FILIP1L: variants seen among roughly 807,000 people sequenced by gnomAD.
The protein encoded by FILIP1L is filamin A interacting protein 1 like.
FILIP1L carries 55 observed loss-of-function variants against 96.6 expected under a neutral mutation model. The ratio of observed to expected loss-of-function variants is 0.57; its 90% CI spans 0.46 to 0.71. FILIP1L has a LOEUF of 0.71. Among genes scored for constraint, FILIP1L ranks in the 30% least tolerant of loss-of-function variants. The pLI is 0.00. For synonymous variants in FILIP1L, 467 were observed against 473.9 expected (o/e 0.99, Z 0.19); for missense variants, 1,304 against 1,321.2 (o/e 0.99, Z 0.20).
chr3:99,889,487 A>G (rs1200865855), intron 4 of FILIP1L, among the ~76,000 whole-genome samples: 3 of 152,072 alleles, frequency 2.0e-5, no homozygotes, highest in South Asian at 4.2e-4. Context: ...CATATAAATA[A>G]CGTATAGCTA....
chr3:100,088,907 A>AT (rs375015420), intron 1 of FILIP1L, among the ~76,000 whole-genome samples: 11 of 151,170 alleles, frequency 7.3e-5, no homozygotes, highest in African/African-American at 1.2e-4. Context: ...TGTTATGTTT[A>AT]TTTTTTGTCC....
chr3:100,055,732 T>C (rs2065453515), intron 1 of FILIP1L, among the ~76,000 whole-genome samples: 1 of 152,236 alleles, frequency 6.6e-6, no homozygotes, highest in Admixed American at 6.5e-5. Context: ...ATTTTTGTGA[T>C]TATCCCAGTA....
chr3:99,831,534 C>G (rs1942669906), intron 5 of FILIP1L, among the ~76,000 whole-genome samples: 1 of 152,184 alleles, frequency 6.6e-6, no homozygotes, highest in African/African-American at 2.4e-5. Context: ...ACCATATTAT[C>G]CAAGCCATGA....
Position 99,849,805 on chromosome 3 carries a change from TTATTGTTTTCTTG to T in FILIP1L, c.1858_1870del (p.Gln620ArgfsTer12). The T allele has an allele frequency of 6.2e-7, 1 of 1,612,908 alleles. No homozygotes were observed. The highest frequency in any genetic ancestry group is 8.5e-7 in the Non-Finnish European group (1 of 1,179,866). ...CACTTCTTGAGAGAGCTCCTTAATCTTATTGTTTTCTTGGTGTAATGCTGTTGTGGATTTCCCA... is the reference window on the plus strand; with the variant it reads ...CACTTCTTGAGAGAGCTCCTTAATCTGTGTAATGCTGTTGTGGATTTCCCA... On this transcript the variant is annotated frameshift_variant, in exon 5 of 6. Transcript: ENST00000477258. LOFTEE classifies it high-confidence loss of function.
intron 4 of FILIP1L, among the ~76,000 whole-genome samples, chr3:99,888,491 C>CAAACA (rs559726137): frequency 7.2e-5 from 11 of 152,116 alleles, no homozygotes; most frequent in Non-Finnish European, 1.0e-4. Context: ...CAGGCTACAA[C>CAAACA]AAACAAAACA....
intron 1 of FILIP1L, among the ~76,000 whole-genome samples, chr3:99,949,344 A>G (rs567370878): frequency 4.6e-5 from 7 of 152,338 alleles, no homozygotes; most frequent in Admixed American, 2.0e-4. Context: ...AAAACCCTCC[A>G]TAGTTGGCAA....
rs1030186218 is a variant in FILIP1L at position 100,103,103 on chromosome 3, C to T, written c.-11+10950G>A. On this transcript the variant is annotated intron_variant, in intron 1 of 5. Transcript: ENST00000477258. ...CACAGATCTAGTCTTTGTGAAATAC[C>T]TTCCCTGACTTTTGTATATTCCTGT... is the stretch of plus-strand genomic sequence containing the variant. Among the ~76,000 whole-genome samples the T allele has an allele frequency of 2.0e-5, 3 of 152,296 alleles. No homozygotes were observed. The East Asian group carries it at 5.8e-4, about 29-fold the overall frequency.
chr3:99,846,157 G>A (rs112237677), intron 5 of FILIP1L, among the ~76,000 whole-genome samples: 244 of 151,872 alleles, frequency 1.6e-3, no homozygotes, highest in African/African-American at 5.4e-3. Context: ...CCCTCCCCCC[G>A]TCCCCCACCA....
chr3:99,945,767 G>A (rs1254442213), intron 1 of FILIP1L, among the ~76,000 whole-genome samples: 2 of 152,164 alleles, frequency 1.3e-5, no homozygotes, highest in Admixed American at 1.3e-4. Context: ...GTTGACACAG[G>A]AAGCCTTCAT....
At chr3:100,078,288 A>G (rs2065880274) in intron 1 of FILIP1L, among the ~76,000 whole-genome samples, 1 of 152,226 alleles carries the variant, frequency 6.6e-6, no homozygotes, top group Non-Finnish European at 1.5e-5. Flanking sequence ...GCACCCTTGC[A>G]TTTTAGCCAA....
chr3:100,036,845 G>A (rs926923763), intron 1 of FILIP1L, among the ~76,000 whole-genome samples: 7 of 152,162 alleles, frequency 4.6e-5, no homozygotes, highest in Admixed American at 6.5e-5. Context: ...TTGACATCTT[G>A]TGCTTCTTGA....
chr3:99,895,699 G>A (rs1182667927), intron 4 of FILIP1L, among the ~76,000 whole-genome samples: 1 of 152,068 alleles, frequency 6.6e-6, no homozygotes, highest in East Asian at 1.9e-4. Context: ...ACTTCCACAT[G>A]TTGTCTTCCT....
chr3:100,001,934 C>T (rs915431109), intron 1 of FILIP1L, among the ~76,000 whole-genome samples: 22 of 152,156 alleles, frequency 1.4e-4, no homozygotes, highest in African/African-American at 5.3e-4. Context: ...GAGGGAAGCA[C>T]AATGAGACAT....
intron 1 of FILIP1L, among the ~76,000 whole-genome samples, chr3:100,104,495 G>C (rs1265976709): frequency 6.6e-6 from 1 of 152,178 alleles, no homozygotes; most frequent in Non-Finnish European, 1.5e-5. Flanking sequence ...ACTGTTAGCA[G>C]TTCACAACTT....
chr3:99,914,835 T>G (rs976702449), intron 4 of FILIP1L, among the ~76,000 whole-genome samples: 1 of 152,236 alleles, frequency 6.6e-6, no homozygotes, highest in Non-Finnish European at 1.5e-5. Context: ...GAGAATTTGC[T>G]AAATAAGTTG....
At chr3:99,999,545 A>G (rs780542059) in intron 1 of FILIP1L, among the ~76,000 whole-genome samples, 6 of 152,218 alleles carry the variant, frequency 3.9e-5, no homozygotes, top group Non-Finnish European at 8.8e-5. Flanking sequence ...CTTACACTGT[A>G]TAAGCTAAAT....
At chr3:99,840,221 CTTT>C (rs10935982) in intron 5 of FILIP1L, among the ~76,000 whole-genome samples, 17 of 102,130 alleles carry the variant, frequency 1.7e-4, no homozygotes, top group South Asian at 3.6e-4. Context: ...TTCGTAGAAT[CTTT>C]TTTTTTTTTT....
chr3:100,042,186 T>C (rs1330606669), intron 1 of FILIP1L, among the ~76,000 whole-genome samples: 6 of 152,194 alleles, frequency 3.9e-5, no homozygotes, highest in Admixed American at 3.9e-4. Context: ...TGGCAGTAGA[T>C]GAAAACAATA....
chr3:99,984,680 T>C (rs2107739625), intron 1 of FILIP1L, among the ~76,000 whole-genome samples: 1 of 152,338 alleles, frequency 6.6e-6, no homozygotes, highest in Non-Finnish European at 1.5e-5. Flanking sequence ...CCAATTACTT[T>C]GGCTACTGTG....
Sources: gnomAD v4.1 joint callset for allele counts (sites outside exome capture counted in the v4.1 genomes callset) on GRCh38, gnomAD v4.1.1 for gene constraint, MANE v1.5 for transcripts, NCBI Gene and HGNC (gene_info 2026-07-23, HGNC 2026-07-21) for gene names.